Variants in THSD7B observed in about 807,000 individuals in gnomAD.
THSD7B encodes thrombospondin type 1 domain containing 7B, also known as thrombospondin type-1 domain-containing protein 7B.
THSD7B carries 138 observed loss-of-function variants against 213.6 expected under a neutral mutation model. The ratio of observed to expected loss-of-function variants is 0.65; its 90% CI spans 0.56 to 0.74. The LOEUF (loss-of-function observed/expected upper bound fraction) is 0.74, where lower values mean the gene tolerates loss of function less well. THSD7B is among the 30% of genes least tolerant of loss of function. The pLI is 0.00. For missense variants in THSD7B, 1,931 were observed against 1,991.5 expected (o/e 0.97, Z 0.58); for synonymous variants, 742 against 687.0 (o/e 1.08, Z -1.25).
intron 12 of THSD7B, among the ~76,000 whole-genome samples, chr2:137,352,864 G>A (rs938534040): frequency 4.0e-5 from 6 of 151,834 alleles, no homozygotes; most frequent in Non-Finnish European, 8.8e-5. Context: ...TTTTAAAGCA[G>A]AATTTTTATT....
chr2:137,539,000 TTC>T (rs982658497), intron 15 of THSD7B, among the ~76,000 whole-genome samples: 8 of 151,714 alleles, frequency 5.3e-5, no homozygotes, highest in Admixed American at 4.6e-4. Context: ...GTTTCTCTTT[TTC>T]TCTCTCTGTT....
chr2:137,234,818 C>T (rs1287649030), intron 9 of THSD7B, among the ~76,000 whole-genome samples: 1 of 150,390 alleles, frequency 6.6e-6, no homozygotes, highest in Non-Finnish European at 1.5e-5. Flanking sequence ...TTTAATCTCC[C>T]ATGATAAATT....
At chr2:136,926,270 G>T (rs1684521322) in intron 2 of THSD7B, among the ~76,000 whole-genome samples, 1 of 151,912 alleles carries the variant, frequency 6.6e-6, no homozygotes, top group Admixed American at 6.6e-5. Context: ...AACTGAAGTA[G>T]TTCTACTTTT....
intron 2 of THSD7B, among the ~76,000 whole-genome samples, chr2:137,012,105 T>TAA (rs1686241569): frequency 6.6e-6 from 1 of 152,200 alleles, no homozygotes; most frequent in Non-Finnish European, 1.5e-5. Flanking sequence ...ACACAAACAG[T>TAA]ATAATCTTCA....
Position 137,615,814 on chromosome 2 carries a change from C to CTT in THSD7B, c.3424-355_3424-354dup, listed in dbSNP as rs149499454. On this transcript the variant is annotated intron_variant, in intron 17 of 27. Coordinates refer to ENST00000409968, the MANE Select transcript of THSD7B (RefSeq NM_001316349.2). ...TCTGAGGTCACAGGGCAGTTTCTTC[C>CTT]TTTTTTTAAAAAAAAAAGCATTTAA... Among the ~76,000 whole-genome samples, 9 of 151,004 alleles carry CTT rather than the reference C, an allele frequency of 6.0e-5. No homozygotes were observed. The South Asian group carries it at 8.4e-4, about 14-fold the overall frequency.
chr2:137,163,572 G>A (rs968330233), intron 6 of THSD7B, among the ~76,000 whole-genome samples: 4 of 150,936 alleles, frequency 2.7e-5, no homozygotes, highest in Non-Finnish European at 5.9e-5. Flanking sequence ...CAGAAGCTAG[G>A]AGAGAGGCAT....
At chr2:136,878,596 T>C (rs1053132021) in intron 1 of THSD7B, among the ~76,000 whole-genome samples, 11 of 152,020 alleles carry the variant, frequency 7.2e-5, no homozygotes, top group African/African-American at 2.7e-4. Context: ...CCTGACTTTT[T>C]AATGATCGCC....
chr2:136,893,212 G>A (rs1683895944), intron 2 of THSD7B, among the ~76,000 whole-genome samples: 1 of 152,098 alleles, frequency 6.6e-6, no homozygotes, highest in Admixed American at 6.5e-5. Context: ...TAGAAAATCT[G>A]TCTATAATAA....
At chr2:137,474,150 T>C (rs1257967354) in intron 15 of THSD7B, among the ~76,000 whole-genome samples, 2 of 152,218 alleles carry the variant, frequency 1.3e-5, no homozygotes, top group African/African-American at 4.8e-5. Flanking sequence ...TTTGTACATA[T>C]GTTTGACCAT....
intron 12 of THSD7B, among the ~76,000 whole-genome samples, chr2:137,398,164 C>T (rs1456982160): frequency 3.3e-5 from 5 of 149,974 alleles, no homozygotes; most frequent in Admixed American, 6.7e-5. Context: ...TCTCTCAGCT[C>T]GTCAAAGTCA....
chr2:136,869,254 A>G (rs1683391908), intron 1 of THSD7B, among the ~76,000 whole-genome samples: 1 of 152,172 alleles, frequency 6.6e-6, no homozygotes, highest in African/African-American at 2.4e-5. Context: ...TAACTTCTGA[A>G]TTAACTTTAC....
At chr2:137,551,497 C>T (rs563503569) in intron 15 of THSD7B, among the ~76,000 whole-genome samples, 3 of 152,212 alleles carry the variant, frequency 2.0e-5, no homozygotes, top group African/African-American at 7.2e-5. Context: ...TCATGGGCCC[C>T]TTGCAATAAT....
intron 15 of THSD7B, among the ~76,000 whole-genome samples, chr2:137,514,183 G>T (rs563809274): frequency 5.9e-4 from 90 of 152,292 alleles, no homozygotes; most frequent in African/African-American, 1.8e-3. Flanking sequence ...TGGATTGAAA[G>T]ATGCAAACTA....
chr2:136,900,124 C>A (rs915782269), intron 2 of THSD7B, among the ~76,000 whole-genome samples: 6 of 152,300 alleles, frequency 3.9e-5, no homozygotes, highest in African/African-American at 1.2e-4. Flanking sequence ...AGAATCCGAT[C>A]TGAACACCAT....
At chr2:136,929,922 A>G (rs500700) in intron 2 of THSD7B, among the ~76,000 whole-genome samples, 61,953 of 152,166 alleles carry the variant, frequency 0.41, 14,845 homozygotes, top group Non-Finnish European at 0.55. Flanking sequence ...CATGACAGCT[A>G]CAGAGAAATA....
intron 7 of THSD7B, among the ~76,000 whole-genome samples, chr2:137,224,756 C>T (rs754138240): frequency 6.6e-6 from 1 of 152,122 alleles, no homozygotes; most frequent in Non-Finnish European, 1.5e-5. Context: ...ACTGCAAGCT[C>T]CGCCTCCCGG....
Position 137,004,296 on chromosome 2 carries a change from T to TACACAC in THSD7B, c.140-52078_140-52073dup, listed in dbSNP as rs34674642. Among the ~76,000 whole-genome samples, 1,298 of 131,540 alleles carry TACACAC rather than the reference T, an allele frequency of 9.9e-3. 18 individuals are homozygous for TACACAC. Among genetic ancestry groups the TACACAC allele is most frequent in the Middle Eastern group, 0.02 (5 of 252 alleles). 86.3% of individuals were successfully genotyped at this position (131,540 alleles called of 152,430 possible). A position where few individuals can be genotyped will look rare whatever the true frequency, so the allele number is the denominator to read the frequency against. On this transcript the variant is annotated intron_variant, in intron 2 of 27. Transcript: ENST00000409968. The stretch of plus-strand genomic sequence containing the variant: ...CCGTGACCCAGTGTGTGTGCACACG[T>TACACAC]ACACACACACACACACACACACACA...
rs369577932 is a variant in THSD7B at position 137,095,018 on chromosome 2, C to T, written c.1096C>T (p.Arg366Trp). The T allele has an allele frequency of 8.1e-6, 13 of 1,613,574 alleles. No homozygotes were observed. Among genetic ancestry groups the T allele is most frequent in the Middle Eastern group, 1.6e-4 (1 of 6,084 alleles). Residue 366 changes from arginine to tryptophan, a missense_variant, in exon 4 of 28, where the codon CGG (arginine) becomes TGG (tryptophan). Physicochemically the swap from Arg to Trp is moderately radical, Grantham distance 101. Coordinates refer to ENST00000409968, the MANE Select transcript of THSD7B (RefSeq NM_001316349.2). ...SLLPGFRSRS[R>W]NVKHMAIGGG... ...CTTGCCAGGATTTAGGAGCAGGAGC[C>T]GGAACGTGAAGCACATGGCTATTGG...
intron 5 of THSD7B, among the ~76,000 whole-genome samples, chr2:137,142,448 T>TTTG (rs139185076): frequency 2.0e-5 from 3 of 151,972 alleles, no homozygotes; most frequent in Non-Finnish European, 2.9e-5. Flanking sequence ...AACATTCGTT[T>TTTG]TTGTTGTTGT....
Sources: gnomAD v4.1 joint callset for allele counts (sites outside exome capture counted in the v4.1 genomes callset) on GRCh38, gnomAD v4.1.1 for gene constraint, MANE v1.5 for transcripts, NCBI Gene and HGNC (gene_info 2026-07-23, HGNC 2026-07-21) for gene names.